CSMD1: variants seen among roughly 807,000 people sequenced by gnomAD.
CSMD1 encodes CUB and sushi domain-containing protein 1.
Under a neutral mutation model 417.5 loss-of-function variants are expected in CSMD1, and 213 were observed. The observed-to-expected ratio is 0.51, with a 90% CI of 0.46 to 0.57. CSMD1 has a LOEUF of 0.57. Among genes scored for constraint, CSMD1 ranks in the 20% least tolerant of loss-of-function variants. The pLI is 0.00. For synonymous variants in CSMD1, 2,862 were observed against 1,736.8 expected (o/e 1.65, Z -16.11); for missense variants, 6,923 against 4,529.7 (o/e 1.53, Z -15.17).
At chr8:4,493,513 T>C (rs1243178045) in intron 2 of CSMD1, among the ~76,000 whole-genome samples, 1 of 151,952 alleles carries the variant, frequency 6.6e-6, no homozygotes, top group Non-Finnish European at 1.5e-5. Flanking sequence ...CTGGGTAACA[T>C]ATTGGGATCC....
intron 5 of CSMD1, among the ~76,000 whole-genome samples, chr8:3,920,950 T>C (rs1809208908): frequency 6.6e-6 from 1 of 152,168 alleles, no homozygotes; most frequent in Non-Finnish European, 1.5e-5. Flanking sequence ...TGTAATGTAA[T>C]CTAGATATGA....
At chr8:4,028,445 G>C (rs993430271) in intron 4 of CSMD1, among the ~76,000 whole-genome samples, 1 of 152,002 alleles carries the variant, frequency 6.6e-6, no homozygotes, top group East Asian at 1.9e-4. Flanking sequence ...GCCGTCATAT[G>C]CCATTATGAA....
intron 63 of CSMD1, among the ~76,000 whole-genome samples, chr8:2,956,720 T>C (rs986559063): frequency 1.3e-5 from 2 of 152,158 alleles, no homozygotes; most frequent in African/African-American, 2.4e-5. Context: ...CCTCCCAAAA[T>C]GCTGGGATTA....
chr8:4,066,737 G>A (rs929179679), intron 3 of CSMD1, among the ~76,000 whole-genome samples: 1 of 152,096 alleles, frequency 6.6e-6, no homozygotes, highest in Admixed American at 6.6e-5. Context: ...AGTGAAGACT[G>A]AGATGCAATC....
chr8:3,282,061 C>T (rs973288525), intron 26 of CSMD1, among the ~76,000 whole-genome samples: 1 of 152,182 alleles, frequency 6.6e-6, no homozygotes, highest in Non-Finnish European at 1.5e-5. Flanking sequence ...GCCATGCCTT[C>T]TGTACAGCCT....
intron 2 of CSMD1, among the ~76,000 whole-genome samples, chr8:4,576,643 T>C (rs759220070): frequency 4.6e-5 from 7 of 152,160 alleles, no homozygotes; most frequent in Admixed American, 2.0e-4. Flanking sequence ...TAAATAAATA[T>C]TTTTGGATAC....
chr8:4,774,609 G>A (rs1319780085), intron 1 of CSMD1, among the ~76,000 whole-genome samples: 2 of 152,182 alleles, frequency 1.3e-5, no homozygotes, highest in Non-Finnish European at 2.9e-5. Context: ...ATCAACTGAT[G>A]TGGTTTGGAT....
At chr8:4,341,166 T>C (rs998601765) in intron 3 of CSMD1, among the ~76,000 whole-genome samples, 3 of 152,102 alleles carry the variant, frequency 2.0e-5, no homozygotes, top group Admixed American at 6.6e-5. Context: ...TTAGTAGGCG[T>C]TGATCATCTA....
chr8:4,025,406 T>C lies in CSMD1; in HGVS notation c.610+6499A>G, dbSNP rs10098866. Among the ~76,000 whole-genome samples, 391 of 152,336 alleles carry C rather than the reference T, an allele frequency of 2.6e-3. 3 individuals carry two copies. The highest frequency in any genetic ancestry group is 9.0e-3 in the African/African-American group (375 of 41,572). Reference sequence around the variant, plus strand: ...TCTCAAAGTAATTTATAATCTATCCTAGGCTGTACCATTATTATTTAATAA... The same window carrying C: ...TCTCAAAGTAATTTATAATCTATCCCAGGCTGTACCATTATTATTTAATAA... On this transcript the variant is annotated intron_variant, in intron 4 of 69. Transcript: ENST00000635120.
chr8:3,351,106 C>G (rs1808391787), intron 21 of CSMD1, among the ~76,000 whole-genome samples: 1 of 152,154 alleles, frequency 6.6e-6, no homozygotes, highest in Admixed American at 6.5e-5. Context: ...AAGTATCTCT[C>G]ATAACCTGAG....
chr8:3,991,237 G>C (rs1027084166), intron 5 of CSMD1, among the ~76,000 whole-genome samples: 4 of 152,192 alleles, frequency 2.6e-5, no homozygotes, highest in African/African-American at 4.8e-5. Flanking sequence ...AATCAAGTTA[G>C]AAATTATCCG....
At chr8:3,768,130 A>G (rs1170012249) in intron 5 of CSMD1, among the ~76,000 whole-genome samples, 3 of 151,034 alleles carry the variant, frequency 2.0e-5, no homozygotes, top group Non-Finnish European at 4.4e-5. Flanking sequence ...CTTCAAAGAT[A>G]GCAGAGAGGG....
intron 18 of CSMD1, 49 bp from the exon 19 acceptor site, chr8:3,369,419 T>A (rs1809808181): frequency 4.5e-6 from 4 of 882,004 alleles, no homozygotes; most frequent in Non-Finnish European, 7.4e-6. Flanking sequence ...TTCACAATGA[T>A]TGCCAGAACA....
In CSMD1 at chr8:3,586,851, G is replaced by A. The variant is rs1458361918; in HGVS notation, c.1098-591C>T. 2.0e-5 allele frequency among the ~76,000 whole-genome samples: 3 copies of A among 152,300 alleles called. No homozygotes were observed. The East Asian group carries it at 5.8e-4, about 29-fold the overall frequency. On this transcript the variant is annotated intron_variant, in intron 8 of 69. Coordinates refer to ENST00000635120, the MANE Select transcript of CSMD1 (RefSeq NM_033225.6). Reference sequence around the variant, plus strand: ...GTCTCACACTGTCACCCAGGCTGGAGTGCAGTGGCACGACCTTGGCTCACT... The same window carrying A: ...GTCTCACACTGTCACCCAGGCTGGAATGCAGTGGCACGACCTTGGCTCACT...
chr8:4,324,049 T>C (rs1585233164), intron 3 of CSMD1, among the ~76,000 whole-genome samples: 1 of 152,098 alleles, frequency 6.6e-6, no homozygotes, highest in South Asian at 2.1e-4. Flanking sequence ...CTCTGTGTAG[T>C]TCAAATTTAC....
intron 12 of CSMD1, among the ~76,000 whole-genome samples, chr8:3,418,781 G>A (rs1435163289): frequency 1.3e-5 from 2 of 152,226 alleles, no homozygotes; most frequent in Non-Finnish European, 2.9e-5. Flanking sequence ...ACAAACTAAT[G>A]TCAGACCATA....
chr8:3,753,212 A>C (rs1797451832), intron 6 of CSMD1, among the ~76,000 whole-genome samples: 1 of 152,106 alleles, frequency 6.6e-6, no homozygotes, highest in Admixed American at 6.5e-5. Flanking sequence ...AAGGTCCATT[A>C]TTTTCAAAGT....
intron 10 of CSMD1, among the ~76,000 whole-genome samples, chr8:3,513,733 A>C (rs1465304221): frequency 1.3e-5 from 2 of 152,232 alleles, no homozygotes; most frequent in Non-Finnish European, 2.9e-5. Flanking sequence ...TCTGTGTGTT[A>C]GTTACCATAA....
chr8:4,039,093 G>A (rs147656105), intron 3 of CSMD1, among the ~76,000 whole-genome samples: 28 of 152,214 alleles, frequency 1.8e-4, no homozygotes, highest in Non-Finnish European at 3.2e-4. Flanking sequence ...ATGGGACAAG[G>A]CTATCGAAAG....
Sources: gnomAD v4.1 joint callset for allele counts (sites outside exome capture counted in the v4.1 genomes callset) on GRCh38, gnomAD v4.1.1 for gene constraint, MANE v1.5 for transcripts, NCBI Gene and HGNC (gene_info 2026-07-23, HGNC 2026-07-21) for gene names.